The following EIF3D variants were observed in gnomAD, a reference collection of about 807,000 sequenced individuals.
EIF3D encodes the protein eIF3 p66.
A neutral mutation model predicts 75.4 loss-of-function variants in EIF3D; 10 were observed. The observed-to-expected ratio is 0.13, with a 90% confidence interval of 0.08 to 0.22. EIF3D has a LOEUF of 0.22. EIF3D is among the 10% of genes least tolerant of loss of function. The pLI is 1.00. For synonymous variants in EIF3D, 246 were observed against 248.3 expected (o/e 0.99, Z 0.09); for missense variants, 394 against 708.0 (o/e 0.56, Z 5.03).
At chr22:36,527,377 A>T (rs1257491291) in intron 1 of EIF3D, among the ~76,000 whole-genome samples, 1 of 152,212 alleles carries the variant, frequency 6.6e-6, no homozygotes, top group Non-Finnish European at 1.5e-5. Context: ...GTCTGACCCC[A>T]GAGTCTGCAC....
At chr22:36,526,653 G>A (rs1220826453) in intron 1 of EIF3D, among the ~76,000 whole-genome samples, 6 of 148,856 alleles carry the variant, frequency 4.0e-5, no homozygotes, top group Admixed American at 4.0e-4. Flanking sequence ...TGTCACCCAT[G>A]CTGGGGTGCA....
chr22:36,526,244 C>G (rs1186632799), intron 1 of EIF3D, 113 bp from the exon 2 acceptor site: 1 of 1,152,084 alleles, frequency 8.7e-7, no homozygotes, highest in Non-Finnish European at 1.2e-6. Context: ...AAGCAACACG[C>G]AAAATGGAAC....
chr22:36,522,949 C>T (rs758553904), intron 6 of EIF3D, among the ~76,000 whole-genome samples: 7 of 152,136 alleles, frequency 4.6e-5, no homozygotes, highest in Non-Finnish European at 8.8e-5. Context: ...CTAAAGAAAC[C>T]GCTTTATAAC....
chr22:36,527,015 T>G (rs1934615533), intron 1 of EIF3D: 1 of 152,240 alleles, frequency 6.6e-6, no homozygotes, highest in Non-Finnish European at 1.5e-5. Context: ...AAAAAGATCT[T>G]TAAGTATATC....
chr22:36,522,260 A>G (rs993003115), intron 6 of EIF3D, among the ~76,000 whole-genome samples: 6 of 152,164 alleles, frequency 3.9e-5, no homozygotes, highest in African/African-American at 1.4e-4. Flanking sequence ...AGGCTGAGGT[A>G]GGAGGATCAC....
intron 9 of EIF3D, 135 bp downstream of exon 9, chr22:36,518,628 A>T: frequency 8.9e-7 from 1 of 1,126,600 alleles, no homozygotes; most frequent in South Asian, 1.5e-5. Flanking sequence ...AGAGTGTGGG[A>T]GATTCAGACA....
intron 12 of EIF3D, among the ~76,000 whole-genome samples, chr22:36,514,939 G>A (rs570454196): frequency 5.3e-5 from 8 of 152,200 alleles, no homozygotes; most frequent in Admixed American, 2.0e-4. Flanking sequence ...CTTGTGGTAA[G>A]AGTATTCAAG....
rs1328062123 is a variant in EIF3D, at chr22:36,526,146, T to A, written c.-10-15A>T. On this transcript the variant is annotated splice_polypyrimidine_tract_variant and intron_variant, in intron 1 of 14. Transcript: ENST00000216190. ...TCTTCCAAAATCTGAAAAATATAAATCATGTGAGTAGCGGCATGAACGAAG... is the reference window on the plus strand; with the variant it reads ...TCTTCCAAAATCTGAAAAATATAAAACATGTGAGTAGCGGCATGAACGAAG... 5.0e-6 allele frequency: 8 copies of A among 1,590,896 alleles called. No individual in the cohort carries two copies. The highest frequency in any genetic ancestry group is 6.9e-6 in the Non-Finnish European group (8 of 1,165,624).
chr22:36,528,389 C>A (rs1934640124), intron 1 of EIF3D, among the ~76,000 whole-genome samples: 1 of 151,380 alleles, frequency 6.6e-6, no homozygotes. Context: ...CCCTGGAAAG[C>A]CAGGGATGAG....
chr22:36,523,129 A>C, intron 6 of EIF3D, 80 bp downstream of exon 6: 11 of 1,082,368 alleles, frequency 1.0e-5, no homozygotes, highest in African/African-American at 1.5e-5. Context: ...TGTGAAGTAT[A>C]TCTCATCTAA....
At chr22:36,519,637 G>A in intron 7 of EIF3D, 100 bp from the exon 8 acceptor site, 2 of 1,526,788 alleles carry the variant, frequency 1.3e-6, no homozygotes, top group South Asian at 2.5e-5. Flanking sequence ...AAGTCTAAAA[G>A]AGGTGGAAAG....
chr22:36,521,418 A>G (rs1041377306), intron 6 of EIF3D, among the ~76,000 whole-genome samples: 2 of 152,182 alleles, frequency 1.3e-5, no homozygotes, highest in African/African-American at 2.4e-5. Flanking sequence ...ACTATTCTTG[A>G]TACAGCATCA....
chr22:36,515,777 G>A (rs1330234282), intron 12 of EIF3D, among the ~76,000 whole-genome samples: 4 of 151,992 alleles, frequency 2.6e-5, no homozygotes, highest in South Asian at 2.1e-4. Flanking sequence ...ACGGCAAAAC[G>A]ACACAGGCAC....
At position 36,512,609 on chromosome 22, in the gene EIF3D, G is replaced by A; in HGVS notation, c.1207-7C>T. On this transcript the variant is annotated splice_polypyrimidine_tract_variant and splice_region_variant and intron_variant, in intron 12 of 14. Transcript: ENST00000216190. ...AGTCAACGCCATTACAGTGCTGCAG[G>A]AGAGCCCCGTTAGAGAAACAGAAGC... 3 of 1,608,572 alleles carry A rather than the reference G, an allele frequency of 1.9e-6. No individual in the cohort carries two copies. The highest frequency in any genetic ancestry group is 1.1e-5 in the South Asian group (1 of 90,840).
chr22:36,525,961 A>G, intron 2 of EIF3D, 38 bp downstream of exon 2: 1 of 1,572,814 alleles, frequency 6.4e-7, no homozygotes, highest in Non-Finnish European at 8.6e-7. Context: ...TAGCAGCCAC[A>G]GCTGCAAAGA....
At chr22:36,511,451 C>T in intron 14 of EIF3D, 52 bp downstream of exon 14, 1 of 1,598,168 alleles carries the variant, frequency 6.3e-7, no homozygotes, top group Non-Finnish European at 8.5e-7. Flanking sequence ...GAGCTTGCTC[C>T]CGTGCTAGCC....
At chr22:36,519,868 A>G (rs1053864768) in intron 7 of EIF3D, among the ~76,000 whole-genome samples, 1 of 152,056 alleles carries the variant, frequency 6.6e-6, no homozygotes, top group Non-Finnish European at 1.5e-5. Flanking sequence ...CCTAAATTCC[A>G]CCTACTTGTC....
At chr22:36,512,737 T>A in intron 12 of EIF3D, 135 bp from the exon 13 acceptor site, 1 of 1,012,892 alleles carries the variant, frequency 9.9e-7, no homozygotes, top group Non-Finnish European at 1.4e-6. Context: ...TCTTACCATT[T>A]AAGAGACAAA....
chr22:36,524,813 CA>C, intron 3 of EIF3D, 81 bp from the exon 4 acceptor site: 1 of 1,584,494 alleles, frequency 6.3e-7, no homozygotes, highest in Non-Finnish European at 8.6e-7. Flanking sequence ...CTTGCTATTT[CA>C]AGTGTGGTCT....
Sources: allele counts gnomAD v4.1 joint callset (sites outside exome capture counted in the v4.1 genomes callset), GRCh38; gene constraint gnomAD v4.1.1; transcripts MANE v1.5; gene names NCBI Gene and HGNC (gene_info 2026-07-23, HGNC 2026-07-21).